Variants in GPC6 observed in about 807,000 individuals in gnomAD.
GPC6 encodes the protein glypican 6, also known as glypican-6.
In GPC6, 14 loss-of-function variants were observed where a neutral mutation model predicts 55.2. That is an observed-to-expected ratio of 0.25 (90% CI 0.17 to 0.40). The LOEUF is 0.40. Ranked by LOEUF, GPC6 falls within the 10% of genes least tolerant of loss-of-function variation. GPC6 has a pLI of 1.00. For missense variants in GPC6, 641 were observed against 708.5 expected (o/e 0.90, Z 1.08); for synonymous variants, 278 against 259.6 (o/e 1.07, Z -0.68).
At chr13:93,542,780 G>C (rs1360160016) in intron 1 of GPC6, among the ~76,000 whole-genome samples, 1 of 152,208 alleles carries the variant, frequency 6.6e-6, no homozygotes, top group African/African-American at 2.4e-5. Flanking sequence ...TATTCTCTTT[G>C]AAGCAATTGT....
intron 1 of GPC6, among the ~76,000 whole-genome samples, chr13:93,272,215 A>G (rs899201891): frequency 8.5e-5 from 13 of 152,050 alleles, no homozygotes; most frequent in African/African-American, 3.1e-4. Context: ...TGAATAAGAT[A>G]ATTATAGTTC....
rs149001406 is a variant in GPC6 at position 93,662,562 on chromosome 13, G to A, written c.319+117141G>A. On this transcript the variant is annotated intron_variant, in intron 2 of 8. Transcript: ENST00000377047. Reference sequence around the variant, plus strand: ...GGAGAATCGTTTGAACCCGGGAGGCGGAGGTTGCAGTGAGCCAAGATTGAG... The same window carrying A: ...GGAGAATCGTTTGAACCCGGGAGGCAGAGGTTGCAGTGAGCCAAGATTGAG... Among the ~76,000 whole-genome samples the A allele has an allele frequency of 2.2e-3, 328 of 152,160 alleles. 2 individuals are homozygous for A. Among genetic ancestry groups the A allele is most frequent in the African/African-American group, 7.3e-3 (301 of 41,504 alleles).
At chr13:94,169,682 T>C (rs888566711) in intron 4 of GPC6, among the ~76,000 whole-genome samples, 1 of 152,150 alleles carries the variant, frequency 6.6e-6, no homozygotes, top group Admixed American at 6.5e-5. Flanking sequence ...TTTGTATCCC[T>C]TGCGGGATCC....
intron 1 of GPC6, among the ~76,000 whole-genome samples, chr13:93,305,472 T>G (rs2139100324): frequency 6.6e-6 from 1 of 152,166 alleles, no homozygotes; most frequent in South Asian, 2.1e-4. Context: ...AGTTAAGAGA[T>G]TTACAGAAGA....
intron 2 of GPC6, among the ~76,000 whole-genome samples, chr13:93,762,334 G>T (rs138545824): frequency 6.6e-6 from 1 of 152,162 alleles, no homozygotes; most frequent in Non-Finnish European, 1.5e-5. Flanking sequence ...AGGAAATTTC[G>T]TTGATAGTGT....
intron 3 of GPC6, among the ~76,000 whole-genome samples, chr13:93,890,332 A>G (rs1335231636): frequency 6.6e-6 from 1 of 152,142 alleles, no homozygotes; most frequent in East Asian, 1.9e-4. Context: ...TTATCTTAAT[A>G]GTCTATCACA....
chr13:94,002,169 A>T (rs901464110), intron 3 of GPC6, among the ~76,000 whole-genome samples: 2 of 152,068 alleles, frequency 1.3e-5, no homozygotes, highest in Non-Finnish European at 2.9e-5. Context: ...GCAGAGAAAG[A>T]ATTTACAACT....
intron 2 of GPC6, among the ~76,000 whole-genome samples, chr13:93,567,068 G>C (rs1876161120): frequency 6.6e-6 from 1 of 152,124 alleles, no homozygotes; most frequent in Admixed American, 6.5e-5. Flanking sequence ...ATAATCCTTT[G>C]AGTATATACC....
intron 3 of GPC6, among the ~76,000 whole-genome samples, chr13:93,886,983 C>T (rs575866955): frequency 4.7e-4 from 71 of 151,826 alleles, no homozygotes; most frequent in African/African-American, 1.6e-3. Flanking sequence ...GCATTATTCA[C>T]TTTTTTTGTT....
intron 2 of GPC6, among the ~76,000 whole-genome samples, chr13:93,822,423 G>A (rs943338333): frequency 1.3e-5 from 2 of 152,016 alleles, no homozygotes; most frequent in South Asian, 2.1e-4. Context: ...ATATTAAGGG[G>A]ACAATAATCA....
intron 1 of GPC6, among the ~76,000 whole-genome samples, chr13:93,517,389 G>A (rs2590527): frequency 0.94 from 143,410 of 152,130 alleles, 68,158 homozygotes; most frequent in East Asian, 1. Flanking sequence ...GCTAACTTGG[G>A]AAAATTATTC....
chr13:93,830,667 C>T, intron 3 of GPC6, 122 bp downstream of exon 3: 1 of 837,648 alleles, frequency 1.2e-6, no homozygotes, highest in Non-Finnish European at 1.8e-6. Context: ...ATTGGTGGTC[C>T]TTGCTCTTAA....
At chr13:93,664,123 A>G (rs903821904) in intron 2 of GPC6, among the ~76,000 whole-genome samples, 2 of 152,172 alleles carry the variant, frequency 1.3e-5, no homozygotes, top group African/African-American at 2.4e-5. Flanking sequence ...TACTTGGTAA[A>G]CAATAAAAAA....
chr13:93,352,911 G>A (rs548824590), intron 1 of GPC6, among the ~76,000 whole-genome samples: 1 of 152,142 alleles, frequency 6.6e-6, no homozygotes, highest in East Asian at 1.9e-4. Context: ...GCGCTTGCAG[G>A]AGTCTCTAGC....
In GPC6 at chr13:94,285,205, G is replaced by A. The variant is rs531356220; in HGVS notation, c.878-1144G>A. Among the ~76,000 whole-genome samples, 23 of 152,238 alleles carry A rather than the reference G, an allele frequency of 1.5e-4. No individual in the cohort carries two copies. The South Asian group carries it at 3.7e-3, about 25-fold the overall frequency. On this transcript the variant is annotated intron_variant, in intron 4 of 8. Transcript: ENST00000377047. The stretch of plus-strand genomic sequence containing the variant: ...GATAACGAATAGAAATACAGGAACC[G>A]GTAGTTTGGGCAAATGGAGCCGTTT...
intron 4 of GPC6, among the ~76,000 whole-genome samples, chr13:94,111,814 G>C (rs539327665): frequency 2.7e-4 from 41 of 152,156 alleles, no homozygotes; most frequent in Admixed American, 1.6e-3. Flanking sequence ...TTCAGTAATT[G>C]CTTTTTGATG....
At chr13:94,401,942 AT>A (rs1205101934) in intron 8 of GPC6, among the ~76,000 whole-genome samples, 4 of 149,194 alleles carry the variant, frequency 2.7e-5, no homozygotes, top group Non-Finnish European at 5.9e-5. Flanking sequence ...TGATTGATTG[AT>A]TGATAGATAG....
chr13:93,989,523 A>T (rs895875205), intron 3 of GPC6, among the ~76,000 whole-genome samples: 1 of 152,204 alleles, frequency 6.6e-6, no homozygotes, highest in African/African-American at 2.4e-5. Flanking sequence ...GTGACTTTCT[A>T]GAACACAGTT....
At chr13:94,006,958 G>A (rs1882046253) in intron 3 of GPC6, among the ~76,000 whole-genome samples, 1 of 151,774 alleles carries the variant, frequency 6.6e-6, no homozygotes, top group Non-Finnish European at 1.5e-5. Context: ...CCATTTTCTG[G>A]GAAAAAAATA....
Sources: gnomAD v4.1 joint callset for allele counts (sites outside exome capture counted in the v4.1 genomes callset) on GRCh38, gnomAD v4.1.1 for gene constraint, MANE v1.5 for transcripts, NCBI Gene and HGNC (gene_info 2026-07-23, HGNC 2026-07-21) for gene names.